The following STX11 variants were observed in gnomAD, a reference collection of about 807,000 sequenced individuals.
STX11 encodes syntaxin-11.
Under a neutral mutation model 19.9 loss-of-function variants are expected in STX11, and 21 were observed. That is an observed-to-expected ratio of 1.06 (90% CI 0.75 to 1.52). STX11 has a LOEUF of 1.52. Ranked by LOEUF, STX11 falls within the 40% of genes most tolerant of loss-of-function variation. STX11 has a pLI of 0.00. For missense variants in STX11, 438 were observed against 405.9 expected, an observed-to-expected ratio of 1.08 and a Z score of -0.68; for synonymous variants, 193 against 174.4, an observed-to-expected ratio of 1.11 and a Z score of -0.84.
chr6:144,140,430 T>G, the STX11 span, among the ~76,000 whole-genome samples: 277 of 151,458 alleles, frequency 1.8e-3, no homozygotes, highest in African/African-American at 6.5e-3. Flanking sequence ...AATTTTTGTA[T>G]TTTTAGTAGA....
intron 1 of STX11, among the ~76,000 whole-genome samples, chr6:144,164,387 G>A (rs954038439): frequency 1.3e-5 from 2 of 152,144 alleles, no homozygotes; most frequent in South Asian, 2.1e-4. Flanking sequence ...AAAGTTAACG[G>A]TACTTAAAAT....
upstream of STX11, among the ~76,000 whole-genome samples, chr6:144,147,180 C>A (rs76872849): frequency 2.2e-4 from 33 of 149,324 alleles, no homozygotes; most frequent in African/African-American, 7.9e-4. This position sits in a 1 kb window ranked among gnomAD's most constrained non-coding sequence, Gnocchi z 4.2. Context: ...AAAAAAAAAA[C>A]TGCTTTGACT....
At chr6:144,146,273 G>A (rs1053860301), upstream of STX11, among the ~76,000 whole-genome samples, 16 of 152,294 alleles carry the variant, frequency 1.1e-4, no homozygotes, top group Admixed American at 9.2e-4. This position sits in a 1 kb window ranked among gnomAD's most constrained non-coding sequence, Gnocchi z 4.4. Flanking sequence ...TGCCTGCTCT[G>A]TTTTATCTGA....
intron 1 of STX11, among the ~76,000 whole-genome samples, chr6:144,179,455 T>C (rs1801852937): frequency 6.6e-6 from 1 of 152,226 alleles, no homozygotes; most frequent in Non-Finnish European, 1.5e-5. Flanking sequence ...TGTTGTTCTT[T>C]AAGGGCTGTG....
In STX11 at chr6:144,165,147, T is replaced by C. The variant is rs80298718; in HGVS notation, c.-6+14444T>C. On this transcript the variant is annotated intron_variant, in intron 1 of 1. Coordinates refer to ENST00000367568, the MANE Select transcript of STX11 (RefSeq NM_003764.4). The surrounding 1 kb of genome is among the most constrained non-coding windows in gnomAD (Gnocchi z 5.8). Reference sequence around the variant, plus strand: ...CTTCTTTGACAGGTGTAATGCAATATATTCACTTTGAAGAAAAATTTTCTT... The same window carrying C: ...CTTCTTTGACAGGTGTAATGCAATACATTCACTTTGAAGAAAAATTTTCTT... Among the ~76,000 whole-genome samples the C allele has an allele frequency of 0.038, 5,738 of 152,210 alleles. 160 individuals carry two copies. The highest frequency in any genetic ancestry group is 0.079 in the Admixed American group (1,200 of 15,280).
rs1458793219 is a variant in STX11, at chr6:144,152,960, T to C, written c.-6+2257T>C. ...AATAGTTTATACATTGGTAACACTA[T>C]ATTGAAGCGAGTTTATGATCATTGT... On this transcript the variant is annotated intron_variant, in intron 1 of 1. Coordinates refer to ENST00000367568, the MANE Select transcript of STX11 (RefSeq NM_003764.4). The surrounding 1 kb of genome is among the most constrained non-coding windows in gnomAD (Gnocchi z 4.9). Among the ~76,000 whole-genome samples the C allele has an allele frequency of 6.6e-6, 1 of 152,258 alleles. No homozygotes were observed. The highest frequency in any genetic ancestry group is 2.4e-5 in the African/African-American group (1 of 41,472).
chr6:144,163,418 TAA>T (rs1309632231), intron 1 of STX11, among the ~76,000 whole-genome samples: 2 of 152,142 alleles, frequency 1.3e-5, no homozygotes, highest in Non-Finnish European at 2.9e-5. Context: ...ACAAAAATTT[TAA>T]AACTTAGCCC....
At chr6:144,178,897 A>G (rs1388875131) in intron 1 of STX11, among the ~76,000 whole-genome samples, 1 of 152,086 alleles carries the variant, frequency 6.6e-6, no homozygotes, top group African/African-American at 2.4e-5. Context: ...TTCATTAGGA[A>G]CTTTTTAGTT....
intron 1 of STX11, among the ~76,000 whole-genome samples, chr6:144,166,621 G>A (rs1801488762): frequency 6.6e-6 from 1 of 150,710 alleles, no homozygotes; most frequent in Non-Finnish European, 1.5e-5. Flanking sequence ...TGCCTCCCAG[G>A]TTCAAGCAAT....
chr6:144,181,324 G>C (rs1256264797), intron 1 of STX11, among the ~76,000 whole-genome samples: 1 of 152,078 alleles, frequency 6.6e-6, no homozygotes, highest in Non-Finnish European at 1.5e-5. Context: ...GCCAGGTGCA[G>C]TGGCTCATGC....
In STX11 at chr6:144,153,128, A is replaced by G. The variant is rs929686544; in HGVS notation, c.-6+2425A>G. Among the ~76,000 whole-genome samples, 2 of 152,210 alleles carry G rather than the reference A, an allele frequency of 1.3e-5. No individual in the cohort carries two copies. Among genetic ancestry groups the G allele is most frequent in the African/African-American group, 2.4e-5 (1 of 41,458 alleles). ...GGATGCCCAAGTATCAAGGTTTCCA[A>G]GTTTCCCCAGTTTGCTAAGATATCC... On this transcript the variant is annotated intron_variant, in intron 1 of 1. Transcript: ENST00000367568. The surrounding 1 kb of genome is among the most constrained non-coding windows in gnomAD (Gnocchi z 5.0).
rs1228924479 is a variant in STX11, at chr6:144,152,340, C to T, written c.-6+1637C>T. Among the ~76,000 whole-genome samples, 4 of 152,154 alleles carry T rather than the reference C, an allele frequency of 2.6e-5. No homozygotes were observed. Among genetic ancestry groups the T allele is most frequent in the Non-Finnish European group, 4.4e-5 (3 of 68,038 alleles). Reference sequence around the variant, plus strand: ...TTCTGTCCCAATATGACTGATGTTTCTGAAGATCTGGGATTTGGAATGGAC... The same window carrying T: ...TTCTGTCCCAATATGACTGATGTTTTTGAAGATCTGGGATTTGGAATGGAC... On this transcript the variant is annotated intron_variant, in intron 1 of 1. Transcript: ENST00000367568. The surrounding 1 kb of genome is among the most constrained non-coding windows in gnomAD (Gnocchi z 4.9).
At chr6:144,171,476 A>G (rs1421508244) in intron 1 of STX11, among the ~76,000 whole-genome samples, 1 of 152,164 alleles carries the variant, frequency 6.6e-6, no homozygotes, top group East Asian at 1.9e-4. Flanking sequence ...TATTTTGGTG[A>G]GCTGAATGAT....
At chr6:144,140,209 CATATATATATATAT>C in the STX11 span, among the ~76,000 whole-genome samples, 34 of 44,452 alleles carry the variant, frequency 7.6e-4, no homozygotes, top group African/African-American at 2.7e-3. Flanking sequence ...GGTCAATTCA[CATATATATATATAT>C]ATATATATAT....
chr6:144,183,267 G>C lies in STX11; in HGVS notation c.-5-3356G>C, dbSNP rs1427989802. On this transcript the variant is annotated intron_variant, in intron 1 of 1. Coordinates refer to ENST00000367568, the MANE Select transcript of STX11 (RefSeq NM_003764.4). This position sits in a 1 kb window ranked among gnomAD's most constrained non-coding sequence, Gnocchi z 4.6. ...CTCTTTCTCCATAACTACTTTTTAT[G>C]CCTAACAGAGTATATATGCTTTTCA... 2.0e-5 allele frequency among the ~76,000 whole-genome samples: 3 copies of C among 152,120 alleles called. No homozygotes were observed. Among genetic ancestry groups the C allele is most frequent in the Non-Finnish European group, 4.4e-5 (3 of 68,030 alleles).
intron 1 of STX11, among the ~76,000 whole-genome samples, chr6:144,158,896 G>A (rs1801250957): frequency 6.6e-6 from 1 of 152,204 alleles, no homozygotes; most frequent in African/African-American, 2.4e-5. Context: ...TGCCTTTGCT[G>A]AAGTTGTCTG....
rs753461941 is a variant in STX11 at position 144,177,487 on chromosome 6, G to A, written c.-5-9136G>A. Among the ~76,000 whole-genome samples the A allele has an allele frequency of 2.0e-5, 3 of 152,150 alleles. No individual in the cohort carries two copies. The highest frequency in any genetic ancestry group is 4.4e-5 in the Non-Finnish European group (3 of 68,036). ...CTACTGGCTGGGAGCGGTGGCTCAC[G>A]CCTGTAATCCCAGCACTTTGGGAGG... is the stretch of plus-strand genomic sequence containing the variant. On this transcript the variant is annotated intron_variant, in intron 1 of 1. Transcript: ENST00000367568. The surrounding 1 kb of genome is among the most constrained non-coding windows in gnomAD (Gnocchi z 4.4).
rs1341907568 is a variant in STX11 at position 144,151,919 on chromosome 6, TATCTCAACACGGTAGAGAAGGGGACACC to T, written c.-6+1222_-6+1249del. On this transcript the variant is annotated intron_variant, in intron 1 of 1. Coordinates refer to ENST00000367568, the MANE Select transcript of STX11 (RefSeq NM_003764.4). This position sits in a 1 kb window ranked among gnomAD's most constrained non-coding sequence, Gnocchi z 4.6. ...CAGCCCTTAGGAAGGGACTGCACAC[TATCTCAACACGGTAGAGAAGGGGACACC>T]ATCTCTACTGGAGCTGAGTTGAGCT... 6.6e-6 allele frequency among the ~76,000 whole-genome samples: 1 copy of T among 152,188 alleles called. No homozygotes were observed.
In STX11 at chr6:144,178,658, T is replaced by C. The variant is rs76228308; in HGVS notation, c.-5-7965T>C. On this transcript the variant is annotated intron_variant, in intron 1 of 1. Coordinates refer to ENST00000367568, the MANE Select transcript of STX11 (RefSeq NM_003764.4). The stretch of plus-strand genomic sequence containing the variant: ...GTGGTTTGAATAACTCCTACCTGCT[T>C]TCTGCTTTAGAGCAAAGAGAAAACA... 1.8e-3 allele frequency among the ~76,000 whole-genome samples: 280 copies of C among 152,364 alleles called. 7 individuals are homozygous for C. The East Asian group carries it at 0.042, about 23-fold the overall frequency.
Sources: gnomAD v4.1 joint callset for allele counts (sites outside exome capture counted in the v4.1 genomes callset) on GRCh38, gnomAD v4.1.1 for gene constraint, Gnocchi (gnomAD v3.1) non-coding constraint, MANE v1.5 for transcripts, NCBI Gene and HGNC (gene_info 2026-07-23, HGNC 2026-07-21) for gene names.